The following FBXL13 variants were observed in gnomAD, a reference collection of about 807,000 sequenced individuals.
The protein encoded by FBXL13 is F-box and leucine-rich repeat protein 13.
Under a neutral mutation model 83.6 loss-of-function variants are expected in FBXL13, and 67 were observed. The observed-to-expected ratio is 0.80, with a 90% confidence interval of 0.66 to 0.98. The LOEUF (loss-of-function observed/expected upper bound fraction) is 0.98. FBXL13 is among the 50% of genes least tolerant of loss of function. FBXL13 has a pLI of 0.00. For missense variants in FBXL13, 822 were observed against 866.5 expected, an observed-to-expected ratio of 0.95 and a Z score of 0.64; for synonymous variants, 272 against 299.5, an observed-to-expected ratio of 0.91 and a Z score of 0.95.
At chr7:102,896,365 T>C (rs1812250059) in intron 11 of FBXL13, among the ~76,000 whole-genome samples, 1 of 152,148 alleles carries the variant, frequency 6.6e-6, no homozygotes, top group African/African-American at 2.4e-5. Flanking sequence ...CAAGAGATCA[T>C]GGTAACTTGG....
rs961058673 is a variant in FBXL13, at chr7:103,028,840, C to T, written c.69-92G>A. On this transcript the variant is annotated intron_variant, in intron 3 of 19. Coordinates refer to ENST00000313221, the Ensembl canonical transcript of FBXL13. ...TTAAGGAGAACAAAGAATGATATCTCCTTTATGACCTCAAAAACCACAGCA... is the reference window on the plus strand; with the variant it reads ...TTAAGGAGAACAAAGAATGATATCTTCTTTATGACCTCAAAAACCACAGCA... 17 of 1,060,408 alleles carry T rather than the reference C, an allele frequency of 1.6e-5. No homozygotes were observed. The African/African-American group carries it at 2.3e-4, about 14-fold the overall frequency. The allele number at this position is 1,060,408 out of a possible 1,614,324, so 65.7% of individuals were successfully genotyped here.
exon 14 of FBXL13, chr7:102,883,364 G>A: frequency 6.2e-7 from 1 of 1,613,660 alleles, no homozygotes; most frequent in Non-Finnish European, 8.5e-7. Flanking sequence ...GGGATCTGAG[G>A]CTGCTGTCTG....
In FBXL13 at chr7:102,992,964, G is replaced by C. The variant is rs77563892; in HGVS notation, c.496-24847C>G. On this transcript the variant is annotated intron_variant, in intron 6 of 19. Coordinates refer to ENST00000313221, the Ensembl canonical transcript of FBXL13. ...CTAAAGTGATGAAAGTGAGGTCTAT[G>C]GGTAGAGCAATGTTCCACCAAAAAT... is the stretch of plus-strand genomic sequence containing the variant. 8.6e-4 allele frequency among the ~76,000 whole-genome samples: 131 copies of C among 152,328 alleles called. 1 individual carries two copies. Among genetic ancestry groups the C allele is most frequent in the African/African-American group, 3.1e-3 (129 of 41,570 alleles).
In FBXL13 at chr7:102,832,984, A is replaced by T; in HGVS notation, c.1720-10T>A. On this transcript the variant is annotated splice_polypyrimidine_tract_variant and intron_variant, in intron 17 of 19. Coordinates refer to ENST00000313221, the Ensembl canonical transcript of FBXL13. ...AGCTTTTGCAGAATGCCTGCAAAAAATTCCAAGGTCAAATTTTTTCTTTTC... is the reference window on the plus strand; with the variant it reads ...AGCTTTTGCAGAATGCCTGCAAAAATTTCCAAGGTCAAATTTTTTCTTTTC... 8 of 1,613,980 alleles carry T rather than the reference A, an allele frequency of 5.0e-6. No homozygotes were observed. Among genetic ancestry groups the T allele is most frequent in the Non-Finnish European group, 5.1e-6 (6 of 1,179,974 alleles).
chr7:103,024,135 A>AAGAGAGAG (rs59206823), intron 6 of FBXL13, among the ~76,000 whole-genome samples: 4,728 of 95,900 alleles, frequency 0.049, 319 homozygotes, highest in Non-Finnish European at 0.071. Context: ...AAAAGTTAAA[A>AAGAGAGAG]AGAGAGAGAG....
At chr7:102,860,018 GA>G (rs1806572460) in intron 16 of FBXL13, among the ~76,000 whole-genome samples, 2 of 152,150 alleles carry the variant, frequency 1.3e-5, no homozygotes, top group South Asian at 4.1e-4. Flanking sequence ...GTCCTGAGTG[GA>G]AAAGTGGCTT....
At chr7:102,957,827 C>T (rs1824530894) in intron 8 of FBXL13, among the ~76,000 whole-genome samples, 1 of 152,056 alleles carries the variant, frequency 6.6e-6, no homozygotes, top group African/African-American at 2.4e-5. Flanking sequence ...AAATCAAAAC[C>T]ACAATGAGAT....
At chr7:102,855,832 T>G (rs1328339515) in intron 16 of FBXL13, among the ~76,000 whole-genome samples, 1 of 150,112 alleles carries the variant, frequency 6.7e-6, no homozygotes, top group African/African-American at 2.5e-5. Flanking sequence ...TTATATCTTG[T>G]TTTTTTTGTT....
intron 7 of FBXL13, among the ~76,000 whole-genome samples, chr7:102,964,390 C>CTA (rs371731702): frequency 0.043 from 6,002 of 140,392 alleles, 184 homozygotes; most frequent in South Asian, 0.11. Flanking sequence ...AATTTTGTGA[C>CTA]TATATATATA....
chr7:102,969,048 C>T (rs1826294763), intron 6 of FBXL13, among the ~76,000 whole-genome samples: 1 of 152,084 alleles, frequency 6.6e-6, no homozygotes, highest in Non-Finnish European at 1.5e-5. Context: ...TTTAGTGTAA[C>T]CTAAGTGTAC....
At chr7:102,884,305 A>G (rs1277955482) in exon 12 of FBXL13, 1 of 1,613,078 alleles carries the variant, frequency 6.2e-7, no homozygotes, top group Admixed American at 1.7e-5. Flanking sequence ...GAAGCCTTGG[A>G]CTGAAATCTG....
At chr7:102,958,747 A>G (rs901726405) in intron 8 of FBXL13, among the ~76,000 whole-genome samples, 1 of 152,034 alleles carries the variant, frequency 6.6e-6, no homozygotes, top group African/African-American at 2.4e-5. Context: ...AATGTATAAC[A>G]TGCGTGAAGA....
intron 6 of FBXL13, among the ~76,000 whole-genome samples, chr7:103,018,289 C>T (rs974337912): frequency 1.3e-5 from 2 of 152,128 alleles, no homozygotes; most frequent in African/African-American, 2.4e-5. Context: ...GATTTTGTCA[C>T]CACTAGGCCT....
chr7:102,815,224 A>C (rs1171823435), intron 19 of FBXL13, among the ~76,000 whole-genome samples: 3 of 152,158 alleles, frequency 2.0e-5, no homozygotes, highest in Admixed American at 6.5e-5. Flanking sequence ...TCCTCTAAAC[A>C]TCTACAGGAA....
At chr7:102,893,689 A>G (rs1160852034) in intron 11 of FBXL13, among the ~76,000 whole-genome samples, 4 of 150,198 alleles carry the variant, frequency 2.7e-5, no homozygotes, top group African/African-American at 9.8e-5. Context: ...AATGGTGTGA[A>G]CCTGGGAGGT....
At chr7:103,053,808 T>C (rs1042306810) in intron 2 of FBXL13, among the ~76,000 whole-genome samples, 5 of 152,166 alleles carry the variant, frequency 3.3e-5, no homozygotes, top group African/African-American at 1.2e-4. Context: ...TAAAGTACTA[T>C]AAAAACACCT....
At position 103,022,476 on chromosome 7, in the gene FBXL13, T is replaced by TA. The variant is rs938987917; in HGVS notation, c.495+2586dup. ...CACATGTACCCTAGAACTTAAAGTATAAAAAAAAAAACCAGAAATATAGAC... is the reference window on the plus strand; with the variant it reads ...CACATGTACCCTAGAACTTAAAGTATAAAAAAAAAAAACCAGAAATATAGAC... On this transcript the variant is annotated intron_variant, in intron 6 of 19. Coordinates refer to ENST00000313221, the Ensembl canonical transcript of FBXL13. Among the ~76,000 whole-genome samples, 945 of 140,898 alleles carry TA rather than the reference T, an allele frequency of 6.7e-3. 11 individuals are homozygous for TA. The highest frequency in any genetic ancestry group is 0.02 in the African/African-American group (782 of 38,456). 92.4% of individuals were successfully genotyped at this position (140,898 alleles called of 152,430 possible).
intron 1 of FBXL13, among the ~76,000 whole-genome samples, chr7:103,057,404 T>C (rs1202090254): frequency 2.0e-5 from 2 of 98,228 alleles, no homozygotes; most frequent in Non-Finnish European, 4.9e-5. Flanking sequence ...TATGAGAAAC[T>C]CATTGGGGTT....
chr7:102,874,322 G>A, intron 16 of FBXL13: 1 of 985,188 alleles, frequency 1.0e-6, no homozygotes, highest in Non-Finnish European at 1.2e-6. Context: ...ACTGTTTGAG[G>A]TTAGCTTCCT....
Sources: allele counts gnomAD v4.1 joint callset (sites outside exome capture counted in the v4.1 genomes callset), GRCh38; gene constraint gnomAD v4.1.1; transcripts MANE v1.5; gene names NCBI Gene and HGNC (gene_info 2026-07-23, HGNC 2026-07-21).